NADK: variants seen among roughly 807,000 people sequenced by gnomAD.
The protein encoded by NADK is NAD kinase.
Under a neutral mutation model 49.8 loss-of-function variants are expected in NADK, and 22 were observed. That is an observed-to-expected ratio of 0.44 (90% CI 0.32 to 0.63). The LOEUF (loss-of-function observed/expected upper bound fraction) is 0.63, where lower values mean the gene tolerates loss of function less well. Ranked by LOEUF, NADK falls within the 30% of genes least tolerant of loss-of-function variation. The pLI is 0.06. For synonymous variants in NADK, 268 were observed against 253.7 expected, an observed-to-expected ratio of 1.06 and a Z score of -0.54; for missense variants, 438 against 609.4, an observed-to-expected ratio of 0.72 and a Z score of 2.96.
rs1557835681 is a variant in NADK at position 1,755,458 on chromosome 1, T to C, written c.604A>G (p.Met202Val). Residue 202 changes from methionine (M) to valine (V), a missense_variant, in exon 7 of 12, where the codon ATG (methionine) becomes GTG (valine). By Grantham distance (21) the Met-to-Val change is conservative. Transcript: ENST00000341426. ...CCCAGGGAGCCCAGGTGGAAGGCCA[T>C]GACCGGAGGGACGCTGCCCTGTGAG... is the stretch of plus-strand genomic sequence containing the variant. ...SLFQGSVPPVMAFHLGSLGFL... is the reference protein window; with the variant it reads ...SLFQGSVPPVVAFHLGSLGFL... 2 of 1,613,900 alleles carry C rather than the reference T, an allele frequency of 1.2e-6. No individual in the cohort carries two copies. Among genetic ancestry groups the C allele is most frequent in the Non-Finnish European group, 8.5e-7 (1 of 1,179,980 alleles).
Position 1,765,395 on chromosome 1 carries a change from T to A in NADK, c.12A>T (p.Glu4Asp). MEM[E>D]QEKMTMNKEL... is the part of the protein sequence containing the mutation. ...CCTTATTCATGGTCATTTTTTCTTG[T>A]TCCATTTCCATTGTCAGGAAATGAG... The change falls in exon 2 of 12, where the codon GAA (glutamate) becomes GAT (aspartate). Residue 4 changes from glutamate (E) to aspartate (D), a missense_variant. Transcript: ENST00000341426. The A allele has an allele frequency of 6.3e-7, 1 of 1,596,750 alleles. No homozygotes were observed. Among genetic ancestry groups the A allele is most frequent in the Non-Finnish European group, 8.5e-7 (1 of 1,170,518 alleles).
chr1:1,780,272 G>A (rs1190723870), upstream of NADK: 2 of 152,222 alleles, frequency 1.3e-5, no homozygotes, highest in Admixed American at 1.3e-4. Context: ...GCTTGATCTA[G>A]ATGGCGCACC....
chr1:1,777,985 C>T (rs1646260967), intron 1 of NADK, among the ~76,000 whole-genome samples: 1 of 152,242 alleles, frequency 6.6e-6, no homozygotes, highest in Admixed American at 6.5e-5. Flanking sequence ...GACCTGGCCG[C>T]CCAAGCAGAG....
rs1311853001 is a variant in NADK, at chr1:1,776,396, G to A, written c.-41+1893C>T. The stretch of plus-strand genomic sequence containing the variant: ...ACAGCAGTTGTTTCAAGAAGAAAAT[G>A]CTGTTTTGGAACCAAACAGCAGGCT... On this transcript the variant is annotated intron_variant, in intron 1 of 11. Transcript: ENST00000341426. Among the ~76,000 whole-genome samples the A allele has an allele frequency of 7.9e-5, 12 of 152,214 alleles. 1 individual carries two copies. The East Asian group carries it at 2.1e-3, about 27-fold the overall frequency.
intron 1 of NADK, among the ~76,000 whole-genome samples, chr1:1,777,356 A>G (rs1296716840): frequency 2.6e-5 from 4 of 152,194 alleles, no homozygotes; most frequent in African/African-American, 7.2e-5. Context: ...ACAAGGTGTT[A>G]AAGTAACTAG....
intron 2 of NADK, 133 bp downstream of exon 2, chr1:1,765,094 TG>T: frequency 2.2e-6 from 2 of 892,528 alleles, no homozygotes; most frequent in Non-Finnish European, 3.3e-6. Context: ...CAGCTTCACC[TG>T]GGCAAGGACC....
At chr1:1,755,085 C>G (rs1268429170) in intron 7 of NADK, among the ~76,000 whole-genome samples, 1 of 152,200 alleles carries the variant, frequency 6.6e-6, no homozygotes, top group Non-Finnish European at 1.5e-5. Context: ...TCCCACAGTG[C>G]TGGGATGACA....
At position 1,753,034 on chromosome 1, in the gene NADK, G is replaced by A. The variant is rs1245435586; in HGVS notation, c.1211C>T (p.Pro404Leu). 1.2e-6 allele frequency: 2 copies of A among 1,610,880 alleles called. No individual in the cohort carries two copies. Among genetic ancestry groups the A allele is most frequent in the Non-Finnish European group, 1.7e-6 (2 of 1,178,938 alleles). Residue 404 changes from proline (P) to leucine (L), a missense_variant, in exon 12 of 12, where the codon CCG becomes CTG. Pro to Leu is a moderately conservative substitution (Grantham distance 98). Transcript: ENST00000341426. ...DSISITTSCY[P>L]LPSICVRDPV... The stretch of plus-strand genomic sequence containing the variant: ...GTCCCGCACACAGATGGAGGGGAGC[G>A]GGTAGCATGAGGTAGTGATGCTGAT...
intron 3 of NADK, chr1:1,759,836 G>T (rs753484022): frequency 7.7e-6 from 12 of 1,551,236 alleles, no homozygotes; most frequent in Non-Finnish European, 7.8e-6. Flanking sequence ...CGGTGACCCC[G>T]CCCTGGCCCG....
intron 1 of NADK, among the ~76,000 whole-genome samples, chr1:1,766,126 T>C (rs540930262): frequency 6.6e-6 from 1 of 151,612 alleles, no homozygotes; most frequent in Admixed American, 6.6e-5. Flanking sequence ...CCGGGCATGG[T>C]AGCCCATGAG....
At chr1:1,757,369 G>T in intron 3 of NADK, 59 bp from the exon 4 acceptor site, 1 of 1,406,976 alleles carries the variant, frequency 7.1e-7, no homozygotes, top group Non-Finnish European at 9.8e-7. Context: ...CGGAAAAGGT[G>T]TATGACTTAG....
chr1:1,766,906 G>A (rs543126658), intron 1 of NADK, among the ~76,000 whole-genome samples: 1 of 151,642 alleles, frequency 6.6e-6, no homozygotes, highest in African/African-American at 2.4e-5. Flanking sequence ...CACCATGCCT[G>A]GCCTAGAACC....
chr1:1,756,370 A>G (rs1184011408), intron 5 of NADK, 27 bp from the exon 6 acceptor site: 2 of 1,611,894 alleles, frequency 1.2e-6, no homozygotes, highest in Admixed American at 3.3e-5. Flanking sequence ...AAAACCAAGA[A>G]GAGGCTGTCA....
At chr1:1,776,994 A>G (rs752250149) in intron 1 of NADK, among the ~76,000 whole-genome samples, 14 of 152,026 alleles carry the variant, frequency 9.2e-5, no homozygotes, top group Non-Finnish European at 1.3e-4. Context: ...GGGAGGATCA[A>G]TTGAGCCCAG....
intron 3 of NADK, chr1:1,758,300 G>A (rs1217111667): frequency 1.3e-6 from 2 of 1,528,354 alleles, no homozygotes; most frequent in African/African-American, 2.7e-5. Flanking sequence ...AGACGCCGAT[G>A]GCAGCCACAG....
At chr1:1,759,610 C>T in intron 3 of NADK, 9 of 1,146,746 alleles carry the variant, frequency 7.8e-6, no homozygotes, top group Non-Finnish European at 9.7e-6. Context: ...GAAGCCCTGC[C>T]CCTCCACAGC....
rs944156962 is a variant in NADK, at chr1:1,752,851, C to A, written c.*53G>T. 7.1e-5 allele frequency: 113 copies of A among 1,582,044 alleles called. 1 individual carries two copies. In the South Asian group the frequency reaches 1.2e-3, roughly 17 times the overall value. On this transcript the variant is annotated 3_prime_UTR_variant, in exon 12 of 12. Transcript: ENST00000341426. ...AGACACACGCAGATTGGTCTGTCCCCAGAGGGCGCTTGGAGGGCAGCGGAA... is the reference window on the plus strand; with the variant it reads ...AGACACACGCAGATTGGTCTGTCCCAAGAGGGCGCTTGGAGGGCAGCGGAA...
In NADK at chr1:1,752,926, T is replaced by C; in HGVS notation, c.1319A>G (p.Glu440Gly). The change falls in exon 12 of 12, where the codon GAG becomes GGG. Residue 440 changes from glutamate to glycine, a missense_variant. By Grantham distance (98) the Glu-to-Gly change is moderately conservative (BLOSUM62 -2). Coordinates refer to ENST00000341426, the MANE Select transcript of NADK (RefSeq NM_023018.5). ...GACCTAGCCCTCCTCCTCCTCCTCC[T>C]CCTCCTCCTCGAAGTGGGCTTGCTT... ...RKKQAHFEEE[E>G]EEEEEG The C allele has an allele frequency of 6.2e-7, 1 of 1,602,082 alleles. No individual in the cohort carries two copies.
At chr1:1,777,113 G>A (rs1313355782) in intron 1 of NADK, among the ~76,000 whole-genome samples, 2 of 152,098 alleles carry the variant, frequency 1.3e-5, no homozygotes, top group East Asian at 1.9e-4. Context: ...GAAACATCTC[G>A]AGAGGACACC....
Sources: allele counts gnomAD v4.1 joint callset (sites outside exome capture counted in the v4.1 genomes callset), GRCh38; gene constraint gnomAD v4.1.1; transcripts MANE v1.5; gene names NCBI Gene and HGNC (gene_info 2026-07-23, HGNC 2026-07-21).